TLN2: variants seen among roughly 807,000 people sequenced by gnomAD.
TLN2 encodes the protein talin-2.
A neutral mutation model predicts 294.7 loss-of-function variants in TLN2; 118 were observed. The observed-to-expected ratio is 0.40, with a 90% CI of 0.34 to 0.47. TLN2 has a LOEUF of 0.47. Ranked by LOEUF, TLN2 falls within the 20% of genes least tolerant of loss-of-function variation. The pLI, the probability that TLN2 is intolerant of heterozygous loss-of-function variation, is 0.84. For synonymous variants in TLN2, 1,431 were observed against 1,304.5 expected, an observed-to-expected ratio of 1.10 and a Z score of -2.09; for missense variants, 3,083 against 3,282.2, an observed-to-expected ratio of 0.94 and a Z score of 1.48.
At chr15:62,830,849 T>C (rs2068754972) in intron 54 of TLN2, 1 of 152,186 alleles carries the variant, frequency 6.6e-6, no homozygotes, top group Admixed American at 6.5e-5. Context: ...GGGAGAATCT[T>C]AATACTTTCT....
intron 1 of TLN2, among the ~76,000 whole-genome samples, chr15:62,508,896 T>C (rs995008410): frequency 1.3e-5 from 2 of 152,210 alleles, no homozygotes; most frequent in Non-Finnish European, 2.9e-5. Flanking sequence ...TCCTAATCAG[T>C]ATTCTTGGTA....
At chr15:62,658,123 C>T in intron 9 of TLN2, 1 of 402,962 alleles carries the variant, frequency 2.5e-6, no homozygotes, top group Non-Finnish European at 4.4e-6. Context: ...ATCTGTGTCC[C>T]CCTCCACCCC....
chr15:62,440,758 A>T (rs1427234792), intron 1 of TLN2, among the ~76,000 whole-genome samples: 1 of 152,216 alleles, frequency 6.6e-6, no homozygotes, highest in African/African-American at 2.4e-5. Context: ...GGAAAGCAGC[A>T]TGTGATACCA....
At chr15:62,617,415 T>C (rs1261768528) in intron 2 of TLN2, among the ~76,000 whole-genome samples, 1 of 152,210 alleles carries the variant, frequency 6.6e-6, no homozygotes, top group East Asian at 1.9e-4. Flanking sequence ...GTGATACTGA[T>C]GTTTTACATT....
At chr15:62,832,510 C>T (rs1247427038) in intron 54 of TLN2, 1 of 152,232 alleles carries the variant, frequency 6.6e-6, no homozygotes, top group Admixed American at 6.5e-5. Flanking sequence ...ATACTTGTTC[C>T]ACTTCTCCAA....
At chr15:62,783,961 T>A in intron 45 of TLN2, 71 bp downstream of exon 45, 2 of 1,597,438 alleles carry the variant, frequency 1.3e-6, no homozygotes, top group Non-Finnish European at 1.7e-6. Flanking sequence ...TATTTCTTCA[T>A]AGCTTAGCTC....
chr15:62,675,095 C>T, intron 10 of TLN2, 122 bp from the exon 11 acceptor site: 1 of 872,768 alleles, frequency 1.1e-6, no homozygotes, highest in Non-Finnish European at 1.8e-6. Context: ...GTCTCAGACA[C>T]AACCATCACT....
chr15:62,590,964 T>A (rs2046029793), intron 2 of TLN2, among the ~76,000 whole-genome samples: 1 of 150,692 alleles, frequency 6.6e-6, no homozygotes, highest in East Asian at 1.9e-4. Context: ...AAAAAAAAAG[T>A]CAGGACCTAT....
At chr15:62,410,533 C>G (rs1402524378) in intron 1 of TLN2, among the ~76,000 whole-genome samples, 1 of 152,166 alleles carries the variant, frequency 6.6e-6, no homozygotes, top group Middle Eastern at 3.2e-3. Context: ...AGTAAAGATT[C>G]CTTTTGTGAA....
At chr15:62,549,780 CA>C (rs1010556643) in intron 1 of TLN2, among the ~76,000 whole-genome samples, 6 of 151,940 alleles carry the variant, frequency 3.9e-5, no homozygotes, top group Non-Finnish European at 2.9e-5. Flanking sequence ...TTGGATAGGG[CA>C]GGGGGCAGAT....
intron 1 of TLN2, among the ~76,000 whole-genome samples, chr15:62,554,994 G>GA (rs5813151): frequency 0.74 from 109,009 of 148,148 alleles, 40,496 homozygotes; most frequent in African/African-American, 0.88. Context: ...TATTTAGAAA[G>GA]AAAAAAAAAA....
At position 62,457,594 on chromosome 15, in the gene TLN2, C is replaced by A. The variant is rs74519652; in HGVS notation, c.-238+66909C>A. On this transcript the variant is annotated intron_variant, in intron 1 of 58. Coordinates refer to ENST00000636159, the MANE Select transcript of TLN2 (RefSeq NM_015059.3). ...TCCAGTGACCCAGGGAGAGTTCTTA[C>A]TGGGAGAGAGGGACAGCGTTCTGGT... Among the ~76,000 whole-genome samples the A allele has an allele frequency of 8.6e-3, 1,310 of 152,242 alleles. 9 individuals are homozygous for A. Among genetic ancestry groups the A allele is most frequent in the Non-Finnish European group, 0.013 (896 of 68,008 alleles).
chr15:62,705,076 T>G (rs1425564155), intron 19 of TLN2, among the ~76,000 whole-genome samples: 1 of 152,252 alleles, frequency 6.6e-6, no homozygotes, highest in East Asian at 1.9e-4. Flanking sequence ...TCTCCCTGCT[T>G]TAGCAGATTA....
At chr15:62,499,982 G>A (rs1356373021) in intron 1 of TLN2, among the ~76,000 whole-genome samples, 1 of 152,184 alleles carries the variant, frequency 6.6e-6, no homozygotes, top group African/African-American at 2.4e-5. Flanking sequence ...TACAATTCAG[G>A]TGAGGGAGGA....
intron 2 of TLN2, among the ~76,000 whole-genome samples, chr15:62,594,726 A>G (rs1308254319): frequency 1.3e-5 from 2 of 152,252 alleles, no homozygotes; most frequent in Non-Finnish European, 2.9e-5. Context: ...ATAAGGGAAA[A>G]GCTCTGTGAC....
At chr15:62,646,451 T>C (rs1408957172) in intron 3 of TLN2, among the ~76,000 whole-genome samples, 1 of 152,180 alleles carries the variant, frequency 6.6e-6, no homozygotes, top group Non-Finnish European at 1.5e-5. Context: ...CATGAGCCAC[T>C]GCACCCAGCC....
chr15:62,451,367 G>A (rs540570069), intron 1 of TLN2, among the ~76,000 whole-genome samples: 2 of 152,250 alleles, frequency 1.3e-5, no homozygotes, highest in African/African-American at 2.4e-5. Flanking sequence ...CTTAAGAGGG[G>A]TTGGCTGGGC....
At chr15:62,460,076 G>A (rs2036709070) in intron 1 of TLN2, among the ~76,000 whole-genome samples, 1 of 152,138 alleles carries the variant, frequency 6.6e-6, no homozygotes, top group African/African-American at 2.4e-5. Flanking sequence ...TGCTGCATCA[G>A]CCTCAGGCAG....
intron 32 of TLN2, 33 bp from the exon 33 acceptor site, chr15:62,748,317 CA>C (rs74266534): frequency 0.18 from 210,519 of 1,156,444 alleles, 107 homozygotes; most frequent in South Asian, 0.22. Context: ...TGTTGATCTT[CA>C]AAAAAAAAAA....
Sources: allele counts gnomAD v4.1 joint callset (sites outside exome capture counted in the v4.1 genomes callset), GRCh38; gene constraint gnomAD v4.1.1; transcripts MANE v1.5; gene names NCBI Gene and HGNC (gene_info 2026-07-23, HGNC 2026-07-21).